CHD4: variants seen among roughly 807,000 people sequenced by gnomAD.
The protein encoded by CHD4 is ATP-dependent chromatin remodeler CHD4.
In CHD4, 35 loss-of-function variants were observed where a neutral mutation model predicts 235.5. That is an observed-to-expected ratio of 0.15 (90% CI 0.11 to 0.20). The LOEUF (loss-of-function observed/expected upper bound fraction) is 0.20, where lower values mean the gene tolerates loss of function less well. Ranked by LOEUF, CHD4 falls within the 10% of genes least tolerant of loss-of-function variation. The pLI, the probability that CHD4 is intolerant of heterozygous loss-of-function variation, is 1.00. For missense variants in CHD4, 1,329 were observed against 2,432.3 expected (o/e 0.55, Z 9.54); for synonymous variants, 900 against 850.2 (o/e 1.06, Z -1.02).
chr12:6,576,825 C>T (rs1194232729), intron 37 of CHD4, among the ~76,000 whole-genome samples: 1 of 152,178 alleles, frequency 6.6e-6, no homozygotes, highest in Non-Finnish European at 1.5e-5. Context: ...AAAACAGATA[C>T]CATGCTTTGT....
At chr12:6,576,930 A>G (rs1948081326) in intron 37 of CHD4, among the ~76,000 whole-genome samples, 1 of 147,666 alleles carries the variant, frequency 6.8e-6, no homozygotes, top group African/African-American at 2.6e-5. Context: ...CGTACGAGAC[A>G]ACAGACACGT....
At chr12:6,583,656 C>T (rs1948231732) in intron 25 of CHD4, 1 of 375,280 alleles carries the variant, frequency 2.7e-6, no homozygotes, top group Non-Finnish European at 4.7e-6. Context: ...TTCTTCTAAC[C>T]CCTTGCACTG....
At chr12:6,573,293 G>A (rs373869421) in intron 37 of CHD4, 24 bp from the exon 38 acceptor site, 57 of 1,515,704 alleles carry the variant, frequency 3.8e-5, no homozygotes, top group South Asian at 3.7e-4. Flanking sequence ...AAGAGGAAAC[G>A]GGAGTTCGAC....
Position 6,602,365 on chromosome 12 carries a change from C to T in CHD4, c.222+11G>A. 6.2e-7 allele frequency: 1 copy of T among 1,612,940 alleles called. No homozygotes were observed. Among genetic ancestry groups the T allele is most frequent in the Non-Finnish European group, 8.5e-7 (1 of 1,179,816 alleles). The stretch of plus-strand genomic sequence containing the variant: ...CCTCTGATTCCCCGTAACATTCAGT[C>T]ACCCACTCACCTCCTTTTTTTGGCG... On this transcript the variant is annotated intron_variant, in intron 3 of 39. Coordinates refer to ENST00000544040, the MANE Select transcript of CHD4 (RefSeq NM_001273.5).
intron 7 of CHD4, 50 bp downstream of exon 7, chr12:6,600,876 C>T (rs374086031): frequency 4.0e-5 from 61 of 1,532,750 alleles, no homozygotes; most frequent in Non-Finnish European, 4.9e-5. Flanking sequence ...AGGTCACATC[C>T]TTTCTATTAG....
chr12:6,606,300 T>C lies in CHD4; in HGVS notation c.74A>G (p.Asn25Ser). The change falls in exon 2 of 40, where the codon AAC becomes AGC. Residue 25 changes from asparagine (N) to serine (S), a missense_variant. Asn to Ser is a conservative substitution (Grantham distance 46). Around this residue, in one of 26 missense-constraint regions of CHD4, gnomAD observed 213 missense variants for 177.5 expected, o/e 1.20. Transcript: ENST00000544040. ...TGGGTGGGGTGGGGGCAGGCTGTTG[T>C]TCAAAAGTGCATCCATATCCTCCTC... The part of the protein sequence containing the change: ...SEEEDMDALL[N>S]NSLPPPHPEN... The C allele has an allele frequency of 6.3e-7, 1 of 1,586,630 alleles. No individual in the cohort carries two copies. Among genetic ancestry groups the C allele is most frequent in the Non-Finnish European group, 8.6e-7 (1 of 1,168,096 alleles).
At chr12:6,585,347 C>T (rs372069898) in intron 25 of CHD4, among the ~76,000 whole-genome samples, 1 of 151,890 alleles carries the variant, frequency 6.6e-6, no homozygotes, top group South Asian at 2.1e-4. Context: ...TGCAGTGGGG[C>T]AATCTTGGCT....
intron 37 of CHD4, among the ~76,000 whole-genome samples, chr12:6,574,210 A>C (rs941868919): frequency 1.3e-5 from 2 of 152,080 alleles, no homozygotes; most frequent in Non-Finnish European, 2.9e-5. Flanking sequence ...TGTTTTCTGT[A>C]TCTATAAAAT....
intron 12 of CHD4, among the ~76,000 whole-genome samples, chr12:6,596,525 C>G (rs575434974): frequency 6.6e-6 from 1 of 151,232 alleles, no homozygotes; most frequent in Non-Finnish European, 1.5e-5. Context: ...TCAGGCCGGG[C>G]GCGGTGGCTC....
chr12:6,587,566 A>G lies in CHD4; in HGVS notation c.3704-7T>C. The G allele has an allele frequency of 6.2e-7, 1 of 1,613,488 alleles. No homozygotes were observed. The highest frequency in any genetic ancestry group is 2.2e-5 in the East Asian group (1 of 44,882). On this transcript the variant is annotated splice_region_variant and splice_polypyrimidine_tract_variant and intron_variant, in intron 24 of 39. Coordinates refer to ENST00000544040, the MANE Select transcript of CHD4 (RefSeq NM_001273.5). ...CCCTCTTTGTTGTCTCCTCCTATAA[A>G]AAATCAAGGGCCCACATCCCCAAAG...
intron 12 of CHD4, 119 bp downstream of exon 12, chr12:6,597,764 CAAAAACAAAAA>C (rs1227389747): frequency 2.3e-5 from 20 of 854,058 alleles, no homozygotes; most frequent in Non-Finnish European, 1.8e-6. Flanking sequence ...GACTCTGTCT[CAAAAACAAAAA>C]ACAAACAAAA....
chr12:6,591,659 T>C, intron 21 of CHD4, 35 bp downstream of exon 21: 1 of 1,614,182 alleles, frequency 6.2e-7, no homozygotes, highest in Non-Finnish European at 8.5e-7. Context: ...GGGTTGTCTA[T>C]GACTGTTCCC....
chr12:6,575,431 CTGAG>C (rs746125290), intron 37 of CHD4, among the ~76,000 whole-genome samples: 33 of 132,538 alleles, frequency 2.5e-4, no homozygotes, highest in Non-Finnish European at 4.8e-4. Context: ...GCCTGGGCAA[CTGAG>C]TAAGACTTTG....
chr12:6,577,621 CTG>C (rs1266061103), intron 37 of CHD4, 162 bp downstream of exon 37: 1 of 855,572 alleles, frequency 1.2e-6, no homozygotes, highest in South Asian at 1.7e-5. Flanking sequence ...ACTTTCAATT[CTG>C]TGTGTCTTCA....
intron 4 of CHD4, 27 bp downstream of exon 4, chr12:6,601,933 C>T: frequency 1.2e-6 from 2 of 1,605,888 alleles, no homozygotes; most frequent in Non-Finnish European, 8.5e-7. Context: ...TTTAACAGTA[C>T]AAAGAAGAGG....
intron 30 of CHD4, 151 bp downstream of exon 30, chr12:6,581,986 A>T: frequency 9.0e-7 from 1 of 1,113,210 alleles, no homozygotes; most frequent in Non-Finnish European, 1.2e-6. Flanking sequence ...TATTTTTAGT[A>T]GAGATGGGGT....
In CHD4 at chr12:6,578,034, A is replaced by G. The variant is rs1373807865; in HGVS notation, c.5223T>C (p.Ile1741=). ...RRHDYWLLAG[I]INHGYARWQD... ...CAGATTCAGGCAAAGGATACTTTAT[A>G]ATGCCGGCTAGCAGCCAGTAGTCAT... Residue 1741 remains isoleucine (I), a synonymous_variant, in exon 36 of 40, where the codon ATT becomes ATC. Transcript: ENST00000544040. The G allele has an allele frequency of 6.2e-7, 1 of 1,612,598 alleles. No homozygotes were observed. The highest frequency in any genetic ancestry group is 1.7e-5 in the Admixed American group (1 of 60,028).
chr12:6,594,642 C>A lies in CHD4; in HGVS notation c.2130G>T (p.Val710=), dbSNP rs970505608. The change falls in exon 15 of 40, where the codon GTG becomes GTT. Residue 710 remains valine (V), a synonymous_variant. Coordinates refer to ENST00000544040, the MANE Select transcript of CHD4 (RefSeq NM_001273.5). The part of the protein sequence containing the change: ...PPETPTVDPT[V]KYERQPEYLD... ...GGTACTCTGGCTGTCGCTCATACTTCACTGTTGGCTGAAGGATGAAACAGA... is the reference window on the plus strand; with the variant it reads ...GGTACTCTGGCTGTCGCTCATACTTAACTGTTGGCTGAAGGATGAAACAGA... 2 of 1,612,710 alleles carry A rather than the reference C, an allele frequency of 1.2e-6. No homozygotes were observed. Among genetic ancestry groups the A allele is most frequent in the African/African-American group, 2.7e-5 (2 of 74,868 alleles).
At chr12:6,576,618 T>G (rs945812458) in intron 37 of CHD4, among the ~76,000 whole-genome samples, 6 of 152,168 alleles carry the variant, frequency 3.9e-5, no homozygotes, top group African/African-American at 1.2e-4. Context: ...TCTTTTCTTG[T>G]CTTTTTTGAG....
Sources: gnomAD v4.1 joint callset for allele counts (sites outside exome capture counted in the v4.1 genomes callset) on GRCh38, gnomAD v4.1.1 for gene constraint, gnomAD v4.1.1 regional missense constraint, MANE v1.5 for transcripts, NCBI Gene and HGNC (gene_info 2026-07-23, HGNC 2026-07-21) for gene names.